Variants in OR5H14 observed in about 807,000 individuals in gnomAD.
OR5H14 encodes olfactory receptor family 5 subfamily H member 14, also known as olfactory receptor 5H14.
For missense variants in OR5H14, 392 were observed against 363.9 expected, an observed-to-expected ratio of 1.08 and a Z score of -0.63; for synonymous variants, 155 against 130.6, an observed-to-expected ratio of 1.19 and a Z score of -1.28.
rs555921319 is a variant in OR5H14, at chr3:98,154,638, T to C, written c.*4320T>C. 1.3e-5 allele frequency: 2 copies of C among 152,182 alleles called. No individual in the cohort carries two copies. Among genetic ancestry groups the C allele is most frequent in the South Asian group, 2.1e-4 (1 of 4,830 alleles). 9.4% of individuals were successfully genotyped at this position (152,182 alleles called of 1,614,324 possible). On this transcript the variant is annotated 3_prime_UTR_variant, in exon 2 of 2. Coordinates refer to ENST00000641380, the MANE Select transcript of OR5H14 (RefSeq NM_001005514.2). The stretch of plus-strand genomic sequence containing the variant: ...GCTTAGTAGATGCAGAGTGACAAGA[T>C]AGAGTATGATAGAATGAAATATAGT...
Position 98,156,068 on chromosome 3 carries a change from C to T in OR5H14, c.*5750C>T, listed in dbSNP as rs957219160. The T allele has an allele frequency of 2.0e-5, 3 of 152,120 alleles. No homozygotes were observed. Among genetic ancestry groups the T allele is most frequent in the South Asian group, 2.1e-4 (1 of 4,836 alleles). 9.4% of individuals were successfully genotyped at this position (152,120 alleles called of 1,614,324 possible). A position where few individuals can be genotyped will look rare whatever the true frequency, so the allele number is the denominator to read the frequency against. ...CTGACTTTTTCTCTCCTGGTCAAAA[C>T]GGAGATATACAATTGGTCAGCACTT... On this transcript the variant is annotated 3_prime_UTR_variant, in exon 2 of 2. Transcript: ENST00000641380.
At position 98,149,452 on chromosome 3, in the gene OR5H14, T is replaced by A; in HGVS notation, c.67T>A (p.Trp23Arg). The change falls in exon 2 of 2, where the codon TGG becomes AGG. Residue 23 changes from tryptophan to arginine, a missense_variant. By Grantham distance (101) the Trp-to-Arg change is moderately radical. Transcript: ENST00000641380. ...CACAGGATTTTTATATCAACCACAGTGGAAAATACCCCTGTTCCTGGCATT... is the reference window on the plus strand; with the variant it reads ...CACAGGATTTTTATATCAACCACAGAGGAAAATACCCCTGTTCCTGGCATT... ...VLTGFLYQPQ[W>R]KIPLFLAFLV... The A allele has an allele frequency of 6.2e-7, 1 of 1,613,396 alleles. No homozygotes were observed. The highest frequency in any genetic ancestry group is 8.5e-7 in the Non-Finnish European group (1 of 1,179,512).
chr3:98,149,589 T>G lies in OR5H14; in HGVS notation c.204T>G (p.Phe68Leu). 3 of 1,613,604 alleles carry G rather than the reference T, an allele frequency of 1.9e-6. No homozygotes were observed. Among genetic ancestry groups the G allele is most frequent in the Non-Finnish European group, 2.5e-6 (3 of 1,179,610 alleles). ...PMYLLLGNLA[F>L]VDALLSSSVT... Reference sequence around the variant, plus strand: ...ACTTACTCCTTGGGAATTTAGCTTTTGTGGATGCTTTGTTATCATCCTCAG... The same window carrying G: ...ACTTACTCCTTGGGAATTTAGCTTTGGTGGATGCTTTGTTATCATCCTCAG... The change falls in exon 2 of 2, where the codon TTT becomes TTG. Residue 68 changes from phenylalanine (F) to leucine (L), a missense_variant. Phe to Leu is a conservative substitution (Grantham distance 22). Coordinates refer to ENST00000641380, the MANE Select transcript of OR5H14 (RefSeq NM_001005514.2).
At position 98,154,703 on chromosome 3, in the gene OR5H14, C is replaced by T. The variant is rs1708560940; in HGVS notation, c.*4385C>T. 1 of 152,210 alleles carries T rather than the reference C, an allele frequency of 6.6e-6. No homozygotes were observed. Among genetic ancestry groups the T allele is most frequent in the Non-Finnish European group, 1.5e-5 (1 of 68,036 alleles). 9.4% of individuals were successfully genotyped at this position (152,210 alleles called of 1,614,324 possible). On this transcript the variant is annotated 3_prime_UTR_variant, in exon 2 of 2. Coordinates refer to ENST00000641380, the MANE Select transcript of OR5H14 (RefSeq NM_001005514.2). ...CAAAAATGATGACAGAAAAATCTCA[C>T]ATAGGAATATTATGACAGTGAATCT...
In OR5H14 at chr3:98,154,099, A is replaced by G. The variant is rs1161185297; in HGVS notation, c.*3781A>G. The stretch of plus-strand genomic sequence containing the variant: ...AGTATTTTCTATGCCTGAACTCAAC[A>G]TGAATTGACCAGAATGTTTTACAAA... On this transcript the variant is annotated 3_prime_UTR_variant, in exon 2 of 2. Transcript: ENST00000641380. The G allele has an allele frequency of 6.6e-6, 1 of 152,180 alleles. No homozygotes were observed. The highest frequency in any genetic ancestry group is 1.5e-5 in the Non-Finnish European group (1 of 68,028). 9.4% of individuals were successfully genotyped at this position (152,180 alleles called of 1,614,324 possible).
Position 98,155,558 on chromosome 3 carries a change from A to T in OR5H14, c.*5240A>T, listed in dbSNP as rs74941374. 6.6e-6 allele frequency: 1 copy of T among 151,946 alleles called. No individual in the cohort carries two copies. The highest frequency in any genetic ancestry group is 1.9e-4 in the East Asian group (1 of 5,182). 9.4% of individuals were successfully genotyped at this position (151,946 alleles called of 1,614,324 possible). A position where few individuals can be genotyped will look rare whatever the true frequency, so the allele number is the denominator to read the frequency against. Reference sequence around the variant, plus strand: ...GCATTGCAAGATTGTCTTTGTTTTTATTTTTTCCTCCCCCTGATGTTTGCC... The same window carrying T: ...GCATTGCAAGATTGTCTTTGTTTTTTTTTTTTCCTCCCCCTGATGTTTGCC... On this transcript the variant is annotated 3_prime_UTR_variant, in exon 2 of 2. Transcript: ENST00000641380.
At position 98,154,177 on chromosome 3, in the gene OR5H14, A is replaced by G. The variant is rs1379442500; in HGVS notation, c.*3859A>G. The G allele has an allele frequency of 6.6e-6, 1 of 152,200 alleles. No homozygotes were observed. Among genetic ancestry groups the G allele is most frequent in the Non-Finnish European group, 1.5e-5 (1 of 68,034 alleles). The allele number at this position is 152,200 out of a possible 1,614,324, so 9.4% of individuals were successfully genotyped here. ...AGAGATTAATTCCTGTTTTGTTTAT[A>G]AGATTACATGTCAGACCAGTGGATT... On this transcript the variant is annotated 3_prime_UTR_variant, in exon 2 of 2. Coordinates refer to ENST00000641380, the MANE Select transcript of OR5H14 (RefSeq NM_001005514.2).
chr3:98,150,040 A>G lies in OR5H14; in HGVS notation c.655A>G (p.Ile219Val), dbSNP rs761690383. Residue 219 changes from isoleucine to valine, a missense_variant, in exon 2 of 2, where the codon ATA becomes GTA. Ile to Val is a conservative substitution (Grantham distance 29). Transcript: ENST00000641380. ...FTIGTVLISYIFVLYTILKKK... is the reference protein window; with the variant it reads ...FTIGTVLISYVFVLYTILKKK... ...CATAGGGACTGTTCTTATATCTTAC[A>G]TATTTGTCCTCTATACAATCTTGAA... The G allele has an allele frequency of 1.9e-6, 3 of 1,612,592 alleles. No homozygotes were observed. Among genetic ancestry groups the G allele is most frequent in the Non-Finnish European group, 2.5e-6 (3 of 1,179,440 alleles).
At chr3:98,147,631 T>C (rs566458904) in intron 1 of OR5H14, 77 bp downstream of exon 1, 2 of 152,240 alleles carry the variant, frequency 1.3e-5, no homozygotes, top group Non-Finnish European at 2.9e-5. Context: ...GATTGAAATT[T>C]TTGATCAGGT....
chr3:98,150,095 C>G lies in OR5H14; in HGVS notation c.710C>G (p.Ala237Gly). The G allele has an allele frequency of 1.2e-6, 2 of 1,609,134 alleles. No homozygotes were observed. Among genetic ancestry groups the G allele is most frequent in the Non-Finnish European group, 8.5e-7 (1 of 1,178,132 alleles). ...KKKSVKGMRKAFSTCGAHLLS... is the reference protein window; with the variant it reads ...KKKSVKGMRKGFSTCGAHLLS... ...AAGTCTGTCAAAGGTATGAGAAAAGCCTTCTCCACCTGTGGAGCTCATCTC... is the reference window on the plus strand; with the variant it reads ...AAGTCTGTCAAAGGTATGAGAAAAGGCTTCTCCACCTGTGGAGCTCATCTC... The change falls in exon 2 of 2, where the codon GCC becomes GGC. Residue 237 changes from alanine to glycine, a missense_variant. Physicochemically the swap from Ala to Gly is moderately conservative, Grantham distance 60. Transcript: ENST00000641380.
In OR5H14 at chr3:98,155,406, G is replaced by C. The variant is rs373855885; in HGVS notation, c.*5088G>C. 1.4e-5 allele frequency: 2 copies of C among 138,922 alleles called. No individual in the cohort carries two copies. Among genetic ancestry groups the C allele is most frequent in the African/African-American group, 5.3e-5 (2 of 37,938 alleles). The allele number at this position is 138,922 out of a possible 1,614,324, so 8.6% of individuals were successfully genotyped here. A position where few individuals can be genotyped will look rare whatever the true frequency, so the allele number is the denominator to read the frequency against. On this transcript the variant is annotated 3_prime_UTR_variant, in exon 2 of 2. Coordinates refer to ENST00000641380, the MANE Select transcript of OR5H14 (RefSeq NM_001005514.2). The stretch of plus-strand genomic sequence containing the variant: ...CATTAGGTGGTTCCGTACAGAGAGG[G>C]AGCAGTTGGAGTTAAGTCAGTCAAT...
In OR5H14 at chr3:98,152,950, C is replaced by T. The variant is rs1434994824; in HGVS notation, c.*2632C>T. On this transcript the variant is annotated 3_prime_UTR_variant, in exon 2 of 2. Coordinates refer to ENST00000641380, the MANE Select transcript of OR5H14 (RefSeq NM_001005514.2). ...TAACTATTTTCTCCCTTTTGTTTCA[C>T]TTCTCAATTATAGGATACTGACCAA... The T allele has an allele frequency of 6.6e-6, 1 of 152,110 alleles. No individual in the cohort carries two copies. The highest frequency in any genetic ancestry group is 1.5e-5 in the Non-Finnish European group (1 of 68,010). 9.4% of individuals were successfully genotyped at this position (152,110 alleles called of 1,614,324 possible).
At position 98,150,550 on chromosome 3, in the gene OR5H14, A is replaced by C. The variant is rs59001714; in HGVS notation, c.*232A>C. ...AATAGAATAATGATAGCAGAAGCAAATAAAAATATTGTACAGTATGGTATG... is the reference window on the plus strand; with the variant it reads ...AATAGAATAATGATAGCAGAAGCAACTAAAAATATTGTACAGTATGGTATG... On this transcript the variant is annotated 3_prime_UTR_variant, in exon 2 of 2. Coordinates refer to ENST00000641380, the MANE Select transcript of OR5H14 (RefSeq NM_001005514.2). The C allele has an allele frequency of 8.7e-3, 3,136 of 361,116 alleles. 78 individuals are homozygous for C. Among genetic ancestry groups the C allele is most frequent in the African/African-American group, 0.052 (2,482 of 47,648 alleles). The allele number at this position is 361,116 out of a possible 1,614,324, so 22.4% of individuals were successfully genotyped here. A position where few individuals can be genotyped will look rare whatever the true frequency, so the allele number is the denominator to read the frequency against.
Position 98,154,198 on chromosome 3 carries a change from G to A in OR5H14, c.*3880G>A, listed in dbSNP as rs1708546695. 1 of 152,058 alleles carries A rather than the reference G, an allele frequency of 6.6e-6. No individual in the cohort carries two copies. Among genetic ancestry groups the A allele is most frequent in the Non-Finnish European group, 1.5e-5 (1 of 68,008 alleles). 9.4% of individuals were successfully genotyped at this position (152,058 alleles called of 1,614,324 possible). The stretch of plus-strand genomic sequence containing the variant: ...TTATAAGATTACATGTCAGACCAGT[G>A]GATTTTTGAGGAAATACTTTGTGAA... On this transcript the variant is annotated 3_prime_UTR_variant, in exon 2 of 2. Coordinates refer to ENST00000641380, the MANE Select transcript of OR5H14 (RefSeq NM_001005514.2).
In OR5H14 at chr3:98,149,986, A is replaced by G. The variant is rs763932200; in HGVS notation, c.601A>G (p.Ile201Val). ...DSSINFLMVFIFAGSIQVFTI... is the reference protein window; with the variant it reads ...DSSINFLMVFVFAGSIQVFTI... ...CTCTATTAACTTTCTAATGGTTTTTATTTTTGCAGGTTCAATTCAAGTTTT... is the reference window on the plus strand; with the variant it reads ...CTCTATTAACTTTCTAATGGTTTTTGTTTTTGCAGGTTCAATTCAAGTTTT... The change falls in exon 2 of 2, where the codon ATT becomes GTT. Residue 201 changes from isoleucine to valine, a missense_variant. Ile to Val is a conservative substitution (Grantham distance 29). Coordinates refer to ENST00000641380, the MANE Select transcript of OR5H14 (RefSeq NM_001005514.2). 1 of 1,612,976 alleles carries G rather than the reference A, an allele frequency of 6.2e-7. No individual in the cohort carries two copies. Among genetic ancestry groups the G allele is most frequent in the Non-Finnish European group, 8.5e-7 (1 of 1,179,506 alleles).
Position 98,154,792 on chromosome 3 carries a change from G to A in OR5H14, c.*4474G>A, listed in dbSNP as rs1434710776. The A allele has an allele frequency of 6.6e-6, 1 of 151,910 alleles. No homozygotes were observed. The highest frequency in any genetic ancestry group is 2.1e-4 in the South Asian group (1 of 4,802). 9.4% of individuals were successfully genotyped at this position (151,910 alleles called of 1,614,324 possible). A position where few individuals can be genotyped will look rare whatever the true frequency, so the allele number is the denominator to read the frequency against. ...TGCCCTTCTTCATTCCTGAGTGTAG[G>A]TCCAACTACCTCTGGGAGGAATTTA... is the stretch of plus-strand genomic sequence containing the variant. On this transcript the variant is annotated 3_prime_UTR_variant, in exon 2 of 2. Coordinates refer to ENST00000641380, the MANE Select transcript of OR5H14 (RefSeq NM_001005514.2).
In OR5H14 at chr3:98,150,351, A is replaced by T. The variant is rs112561363; in HGVS notation, c.*33A>T. The T allele has an allele frequency of 2.5e-3, 3,460 of 1,405,126 alleles. 75 individuals are homozygous for T. In the African/African-American group the frequency reaches 0.045, roughly 18 times the overall value. 87.0% of individuals were successfully genotyped at this position (1,405,126 alleles called of 1,614,324 possible). A position where few individuals can be genotyped will look rare whatever the true frequency, so the allele number is the denominator to read the frequency against. ...CTAATATCTCTTTTCTATTTACTAAAATGTCACAAAATTGTGCAAATTAGA... is the reference window on the plus strand; with the variant it reads ...CTAATATCTCTTTTCTATTTACTAATATGTCACAAAATTGTGCAAATTAGA... On this transcript the variant is annotated 3_prime_UTR_variant, in exon 2 of 2. Transcript: ENST00000641380.
rs1329565089 is a variant in OR5H14, at chr3:98,152,733, G to A, written c.*2415G>A. On this transcript the variant is annotated 3_prime_UTR_variant, in exon 2 of 2. Transcript: ENST00000641380. ...TGAAACCTAGGTGACGGGTTGATGG[G>A]TGTAGCAAAACGCCATGGCACATGT... is the stretch of plus-strand genomic sequence containing the variant. 2 of 151,776 alleles carry A rather than the reference G, an allele frequency of 1.3e-5. No homozygotes were observed. The allele number at this position is 151,776 out of a possible 1,614,324, so 9.4% of individuals were successfully genotyped here.
At chr3:98,148,914 C>T (rs539867084) in intron 1 of OR5H14, among the ~76,000 whole-genome samples, 7 of 151,990 alleles carry the variant, frequency 4.6e-5, no homozygotes, top group Admixed American at 1.3e-4. Flanking sequence ...TTCCCCATCC[C>T]GCAGCATATT....
Sources: gnomAD v4.1 joint callset for allele counts (sites outside exome capture counted in the v4.1 genomes callset) on GRCh38, gnomAD v4.1.1 for gene constraint, MANE v1.5 for transcripts, NCBI Gene and HGNC (gene_info 2026-07-23, HGNC 2026-07-21) for gene names.